Variants in DRC8 observed in about 807,000 individuals in gnomAD.
DRC8 encodes dynein regulatory complex subunit 8, also known as dynein regulatory complex protein 8.
the DRC8 span, among the ~76,000 whole-genome samples, chr1:245,051,832 A>G: frequency 1.3e-5 from 2 of 152,228 alleles, no homozygotes; most frequent in South Asian, 2.1e-4. Flanking sequence ...GAGTGTGGAA[A>G]CGAAAAACTA....
At chr1:245,071,488 A>G in the DRC8 span, among the ~76,000 whole-genome samples, 1 of 152,244 alleles carries the variant, frequency 6.6e-6, no homozygotes, top group Non-Finnish European at 1.5e-5. Context: ...AACTTGTCTG[A>G]ATTGTGTCCG....
the DRC8 span, among the ~76,000 whole-genome samples, chr1:245,022,672 A>G: frequency 1.3e-5 from 2 of 152,040 alleles, no homozygotes; most frequent in Admixed American, 6.6e-5. Flanking sequence ...ATTCTTCCAG[A>G]GATTCTCCAT....
chr1:245,092,125 G>A, the DRC8 span, among the ~76,000 whole-genome samples: 1 of 152,174 alleles, frequency 6.6e-6, no homozygotes, highest in Non-Finnish European at 1.5e-5. Context: ...TGGATCAGGC[G>A]CTTCACTTCC....
the DRC8 span, among the ~76,000 whole-genome samples, chr1:245,000,396 T>A: frequency 6.6e-6 from 1 of 152,170 alleles, no homozygotes; most frequent in Non-Finnish European, 1.5e-5. Context: ...CACGGTTGAG[T>A]GTGCTAACTG....
At chr1:245,087,828 A>G in the DRC8 span, 1 of 819,316 alleles carries the variant, frequency 1.2e-6, no homozygotes, top group Admixed American at 6.2e-5. Flanking sequence ...CAAAATAAAT[A>G]TTACTAATTT....
At chr1:245,047,016 C>T in the DRC8 span, among the ~76,000 whole-genome samples, 1 of 152,174 alleles carries the variant, frequency 6.6e-6, no homozygotes, top group Non-Finnish European at 1.5e-5. Context: ...GCCTGGGGCT[C>T]AACGAGTCCA....
the DRC8 span, among the ~76,000 whole-genome samples, chr1:245,080,025 G>A: frequency 6.6e-6 from 1 of 152,098 alleles, no homozygotes; most frequent in African/African-American, 2.4e-5. Flanking sequence ...TGAATTTTCT[G>A]CCGAGAGTGG....
the DRC8 span, among the ~76,000 whole-genome samples, chr1:244,976,977 A>G: frequency 2.0e-5 from 3 of 152,252 alleles, no homozygotes; most frequent in African/African-American, 7.2e-5. Context: ...GGAAATTCTG[A>G]CACATGCTAC....
chr1:245,093,385 A>G, the DRC8 span, among the ~76,000 whole-genome samples: 3 of 152,120 alleles, frequency 2.0e-5, no homozygotes, highest in African/African-American at 4.8e-5. Flanking sequence ...TCATTTGAAG[A>G]AACTGTTATT....
chr1:245,011,426 G>GT, the DRC8 span, among the ~76,000 whole-genome samples: 1 of 152,220 alleles, frequency 6.6e-6, no homozygotes, highest in Non-Finnish European at 1.5e-5. Context: ...AAGCAGCACA[G>GT]TGGCATCACC....
the DRC8 span, among the ~76,000 whole-genome samples, chr1:244,997,590 C>T: frequency 2.0e-5 from 3 of 148,582 alleles, no homozygotes; most frequent in Non-Finnish European, 4.4e-5. Context: ...GTTGCCCAGG[C>T]TGGAGTGCAA....
the DRC8 span, among the ~76,000 whole-genome samples, chr1:245,092,049 C>A: frequency 6.6e-6 from 1 of 152,184 alleles, no homozygotes; most frequent in Non-Finnish European, 1.5e-5. Context: ...GACTCAGGAC[C>A]CGACACACAG....
the DRC8 span, among the ~76,000 whole-genome samples, chr1:245,088,487 T>C: frequency 6.6e-6 from 1 of 152,242 alleles, no homozygotes; most frequent in Admixed American, 6.5e-5. This position sits in a 1 kb window ranked among gnomAD's most constrained non-coding sequence, Gnocchi z 4.6. Flanking sequence ...AGACTGTCGC[T>C]GTTCATTCAT....
chr1:245,079,581 G>A, the DRC8 span, among the ~76,000 whole-genome samples: 1 of 151,664 alleles, frequency 6.6e-6, no homozygotes, highest in Non-Finnish European at 1.5e-5. Flanking sequence ...GATGGAGACG[G>A]AATTATAGAG....
At chr1:244,985,071 C>T in the DRC8 span, among the ~76,000 whole-genome samples, 68 of 123,324 alleles carry the variant, frequency 5.5e-4, no homozygotes, top group Middle Eastern at 8.2e-3. Flanking sequence ...TCTTCTGTCT[C>T]CAGGGTTTTT....
chr1:245,070,863 A>C, the DRC8 span, among the ~76,000 whole-genome samples: 2 of 152,212 alleles, frequency 1.3e-5, no homozygotes, highest in African/African-American at 4.8e-5. Flanking sequence ...TAGATCCCTC[A>C]CGAACGGGAT....
the DRC8 span, among the ~76,000 whole-genome samples, chr1:245,101,150 G>A: frequency 6.6e-5 from 10 of 152,298 alleles, no homozygotes; most frequent in East Asian, 5.8e-4. Flanking sequence ...CTCCCAAAGC[G>A]CTGGGATTAC....
At chr1:245,017,311 ATACAGTG>A in the DRC8 span, 1 of 1,603,194 alleles carries the variant, frequency 6.2e-7, no homozygotes, top group Non-Finnish European at 8.5e-7. Context: ...GAGTCGAATA[ATACAGTG>A]GATGTGAGGT....
the DRC8 span, among the ~76,000 whole-genome samples, chr1:245,095,589 G>A: frequency 2.6e-5 from 4 of 152,264 alleles, no homozygotes; most frequent in South Asian, 4.2e-4. Flanking sequence ...GAGTGCAGAG[G>A]CACGATCATA....
Sources: allele counts gnomAD v4.1 joint callset (sites outside exome capture counted in the v4.1 genomes callset), GRCh38; gene constraint gnomAD v4.1.1; non-coding constraint Gnocchi (gnomAD v3.1); transcripts MANE v1.5; gene names NCBI Gene and HGNC (gene_info 2026-07-23, HGNC 2026-07-21).